The following GALNT2 variants were observed in gnomAD, a reference collection of about 807,000 sequenced individuals.
GALNT2 encodes UDP-GalNAc:polypeptide N-acetylgalactosaminyltransferase 2.
GALNT2 carries 31 observed loss-of-function variants against 81.4 expected under a neutral mutation model. The observed-to-expected ratio is 0.38, with a 90% confidence interval of 0.29 to 0.51. The LOEUF (loss-of-function observed/expected upper bound fraction) is 0.51. Ranked by LOEUF, GALNT2 falls within the 20% of genes least tolerant of loss-of-function variation. The probability of loss-of-function intolerance (pLI) is 0.87; values close to 1 mark genes in which losing one functional copy is unlikely to be tolerated. For synonymous variants in GALNT2, 303 were observed against 287.4 expected, an observed-to-expected ratio of 1.05 and a Z score of -0.55; for missense variants, 629 against 765.7, an observed-to-expected ratio of 0.82 and a Z score of 2.11.
chr1:230,205,552 T>C (rs1176877852), intron 3 of GALNT2, among the ~76,000 whole-genome samples: 1 of 152,198 alleles, frequency 6.6e-6, no homozygotes, highest in Admixed American at 6.5e-5. Context: ...GCTGTCCTGG[T>C]TAAAGTCAGC....
intron 2 of GALNT2, among the ~76,000 whole-genome samples, chr1:230,185,271 TGC>T (rs150578088): frequency 0.18 from 24,507 of 137,556 alleles, 2,230 homozygotes; most frequent in African/African-American, 0.3. Flanking sequence ...TGTGCGTGCG[TGC>T]GTGTGTGTGT....
At chr1:230,075,372 C>G (rs762532265) in intron 1 of GALNT2, among the ~76,000 whole-genome samples, 1 of 152,014 alleles carries the variant, frequency 6.6e-6, no homozygotes, top group Admixed American at 6.6e-5. Flanking sequence ...CCACCCACCT[C>G]GGCCTCCCAA....
chr1:230,268,930 G>A (rs1666102082), intron 14 of GALNT2, among the ~76,000 whole-genome samples: 2 of 152,198 alleles, frequency 1.3e-5, no homozygotes, highest in African/African-American at 2.4e-5. Flanking sequence ...AACTTCAGGG[G>A]TCAGCAAAGG....
intron 3 of GALNT2, among the ~76,000 whole-genome samples, chr1:230,224,381 G>A (rs1419418400): frequency 6.6e-6 from 1 of 152,192 alleles, no homozygotes; most frequent in Non-Finnish European, 1.5e-5. Flanking sequence ...TGGTGAGTGG[G>A]ACCTGGCAGC....
chr1:230,088,727 C>G (rs1353608279), intron 1 of GALNT2, among the ~76,000 whole-genome samples: 4 of 151,962 alleles, frequency 2.6e-5, no homozygotes, highest in East Asian at 1.9e-4. Flanking sequence ...TTAGTACAGA[C>G]GGGGTTTCAT....
chr1:230,274,602 C>A, intron 15 of GALNT2, 38 bp downstream of exon 15: 1 of 1,611,672 alleles, frequency 6.2e-7, no homozygotes, highest in South Asian at 1.1e-5. Context: ...CCGTGATTAA[C>A]CCAGACCAGG....
rs543785270 is a variant in GALNT2 at position 230,101,209 on chromosome 1, A to G, written c.126+33803A>G. On this transcript the variant is annotated intron_variant, in intron 1 of 15. Coordinates refer to ENST00000366672, the MANE Select transcript of GALNT2 (RefSeq NM_004481.5). ...AAGTGATGCATGACTGGATATACAC[A>G]TACACATATGTGTATGCCTGTATAG... 4.6e-5 allele frequency among the ~76,000 whole-genome samples: 7 copies of G among 152,368 alleles called. No homozygotes were observed. The South Asian group carries it at 1.4e-3, about 32-fold the overall frequency.
At chr1:230,150,906 A>G (rs1347002546) in intron 1 of GALNT2, among the ~76,000 whole-genome samples, 1 of 152,190 alleles carries the variant, frequency 6.6e-6, no homozygotes, top group Middle Eastern at 3.2e-3. Context: ...TCCCTAAGGA[A>G]TCTATTTTCC....
chr1:230,185,270 G>A (rs571267572), intron 2 of GALNT2, among the ~76,000 whole-genome samples: 10 of 109,884 alleles, frequency 9.1e-5, no homozygotes, highest in South Asian at 3.0e-4. Context: ...CTGTGCGTGC[G>A]TGCGTGTGTG....
At chr1:230,137,840 G>A (rs1397225919) in intron 1 of GALNT2, among the ~76,000 whole-genome samples, 1 of 152,218 alleles carries the variant, frequency 6.6e-6, no homozygotes, top group Non-Finnish European at 1.5e-5. Context: ...CTCTTGAAAA[G>A]TGAAATATAT....
At chr1:230,091,082 T>TC (rs59285608) in intron 1 of GALNT2, among the ~76,000 whole-genome samples, 30,351 of 151,810 alleles carry the variant, frequency 0.2, 3,416 homozygotes, top group South Asian at 0.34. Context: ...TTTCTTTCTT[T>TC]TTTTTTTTGA....
chr1:230,189,192 C>T (rs982860456), intron 2 of GALNT2, among the ~76,000 whole-genome samples: 1 of 152,148 alleles, frequency 6.6e-6, no homozygotes, highest in Non-Finnish European at 1.5e-5. Flanking sequence ...CCTTAGTAAC[C>T]TTGTGTAAAG....
At chr1:230,161,358 T>C (rs1466084461) in intron 1 of GALNT2, among the ~76,000 whole-genome samples, 1 of 152,210 alleles carries the variant, frequency 6.6e-6, no homozygotes, top group African/African-American at 2.4e-5. Flanking sequence ...GCATGTCCAA[T>C]GTGCAGGTGT....
At chr1:230,217,392 A>G (rs970059168) in intron 3 of GALNT2, among the ~76,000 whole-genome samples, 1 of 152,204 alleles carries the variant, frequency 6.6e-6, no homozygotes, top group Non-Finnish European at 1.5e-5. Flanking sequence ...CCAAAGAGGT[A>G]GTGTGCCAGG....
intron 1 of GALNT2, among the ~76,000 whole-genome samples, chr1:230,125,937 T>G (rs1661162416): frequency 6.6e-6 from 1 of 152,338 alleles, no homozygotes; most frequent in African/African-American, 2.4e-5. Flanking sequence ...CATGTGAATA[T>G]ACGAAGGAAG....
chr1:230,158,006 T>C (rs1218251625), intron 1 of GALNT2, among the ~76,000 whole-genome samples: 1 of 152,042 alleles, frequency 6.6e-6, no homozygotes, highest in Non-Finnish European at 1.5e-5. Flanking sequence ...AGAAAAAAAA[T>C]CATAAGCCAA....
At chr1:230,107,069 T>C (rs142738921) in intron 1 of GALNT2, among the ~76,000 whole-genome samples, 153 of 152,270 alleles carry the variant, frequency 1.0e-3, no homozygotes, top group African/African-American at 3.5e-3. Flanking sequence ...AATTCCACGC[T>C]CCGCAGGTGC....
intron 6 of GALNT2, among the ~76,000 whole-genome samples, chr1:230,238,618 GAGAT>G (rs1439164796): frequency 3.9e-5 from 6 of 152,182 alleles, no homozygotes; most frequent in Non-Finnish European, 8.8e-5. Flanking sequence ...TGCATTTGTG[GAGAT>G]AGTCAAGTGG....
chr1:230,272,271 C>T (rs1291721738), intron 14 of GALNT2, among the ~76,000 whole-genome samples: 3 of 151,726 alleles, frequency 2.0e-5, no homozygotes, highest in South Asian at 2.1e-4. Flanking sequence ...TGTTGGGATT[C>T]GACTCAGGGT....
Sources: allele counts gnomAD v4.1 joint callset (sites outside exome capture counted in the v4.1 genomes callset), GRCh38; gene constraint gnomAD v4.1.1; transcripts MANE v1.5; gene names NCBI Gene and HGNC (gene_info 2026-07-23, HGNC 2026-07-21).